Variants in PPP6R3 observed in about 807,000 individuals in gnomAD.
The protein encoded by PPP6R3 is protein phosphatase 6 regulatory subunit 3, also known as serine/threonine-protein phosphatase 6 regulatory subunit 3.
Under a neutral mutation model 110.7 loss-of-function variants are expected in PPP6R3, and 38 were observed. That is an observed-to-expected ratio of 0.34 (90% CI 0.26 to 0.45). The LOEUF (loss-of-function observed/expected upper bound fraction) is 0.45. PPP6R3 is among the 20% of genes least tolerant of loss of function. The probability of loss-of-function intolerance (pLI) is 1.00; values close to 1 mark genes in which losing one functional copy is unlikely to be tolerated. For synonymous variants in PPP6R3, 369 were observed against 373.5 expected (o/e 0.99, Z 0.14); for missense variants, 870 against 1,062.4 (o/e 0.82, Z 2.52).
intron 23 of PPP6R3, among the ~76,000 whole-genome samples, chr11:68,612,487 C>G (rs1164940727): frequency 6.6e-6 from 1 of 151,940 alleles, no homozygotes; most frequent in East Asian, 1.9e-4. Flanking sequence ...AACCTGGACA[C>G]TTTGTTATAT....
intron 8 of PPP6R3, among the ~76,000 whole-genome samples, chr11:68,563,873 A>G (rs1451441145): frequency 6.6e-6 from 1 of 152,198 alleles, no homozygotes; most frequent in African/African-American, 2.4e-5. Context: ...TAAATAGGAA[A>G]TAATGTTGAT....
chr11:68,492,214 T>G (rs1398416129), intron 1 of PPP6R3, among the ~76,000 whole-genome samples: 1 of 152,212 alleles, frequency 6.6e-6, no homozygotes, highest in African/African-American at 2.4e-5. Context: ...TGGACTACAG[T>G]GGCATGATCA....
chr11:68,562,391 G>T (rs895729800), intron 8 of PPP6R3, among the ~76,000 whole-genome samples: 6 of 152,206 alleles, frequency 3.9e-5, no homozygotes, highest in South Asian at 2.1e-4. Flanking sequence ...CAGATTCAAT[G>T]CAATTCCGAA....
intron 12 of PPP6R3, among the ~76,000 whole-genome samples, chr11:68,573,145 TA>T (rs1565935173): frequency 0.015 from 1,757 of 114,672 alleles, 60 homozygotes; most frequent in Non-Finnish European, 0.024. Flanking sequence ...TATATATATA[TA>T]TATATATAAT....
In PPP6R3 at chr11:68,560,588, C is replaced by G. The variant is rs1202842938; in HGVS notation, c.845+1909C>G. ...TGAAAACCTTTAACAAAGAAAACTC[C>G]TGGCCTAGATAGGCTCAATTGGTGA... On this transcript the variant is annotated intron_variant, in intron 8 of 23. Transcript: ENST00000393800. Among the ~76,000 whole-genome samples the G allele has an allele frequency of 3.3e-5, 5 of 152,306 alleles. No homozygotes were observed. The East Asian group carries it at 9.6e-4, about 29-fold the overall frequency.
chr11:68,463,665 A>AC (rs2098724426), intron 1 of PPP6R3, among the ~76,000 whole-genome samples: 1 of 152,166 alleles, frequency 6.6e-6, no homozygotes, highest in Admixed American at 6.5e-5. Context: ...TATGGTCTGC[A>AC]CCCCAGTATT....
intron 1 of PPP6R3, among the ~76,000 whole-genome samples, chr11:68,489,941 G>A (rs1210770791): frequency 2.0e-5 from 3 of 151,946 alleles, no homozygotes; most frequent in East Asian, 1.9e-4. Context: ...TTATAAGCAC[G>A]CATAAATACA....
intron 1 of PPP6R3, among the ~76,000 whole-genome samples, chr11:68,501,769 G>A (rs1386094769): frequency 1.3e-5 from 2 of 152,220 alleles, no homozygotes; most frequent in Non-Finnish European, 2.9e-5. Flanking sequence ...GTGAATGTAT[G>A]TAAATGATAC....
intron 1 of PPP6R3, among the ~76,000 whole-genome samples, chr11:68,496,629 C>T (rs2099017807): frequency 6.6e-6 from 1 of 151,990 alleles, no homozygotes; most frequent in Non-Finnish European, 1.5e-5. Context: ...TGTGCCACCG[C>T]ATCTGGCTAA....
Position 68,609,900 on chromosome 11 carries a change from G to T in PPP6R3, c.2451-4G>T. On this transcript the variant is annotated splice_region_variant and splice_polypyrimidine_tract_variant and intron_variant, in intron 22 of 23. Transcript: ENST00000393800. ...TGATGTGCCTGTCATCCTCTTTACT[G>T]CAGTGAGGAAGGGAAACTGTCTACC... 6.2e-7 allele frequency: 1 copy of T among 1,613,978 alleles called. No homozygotes were observed. The highest frequency in any genetic ancestry group is 8.5e-7 in the Non-Finnish European group (1 of 1,179,926).
At chr11:68,547,887 T>C (rs998759127) in intron 4 of PPP6R3, among the ~76,000 whole-genome samples, 180 bp from the exon 5 acceptor site, 14 of 152,320 alleles carry the variant, frequency 9.2e-5, no homozygotes, top group African/African-American at 3.4e-4. Context: ...AAGGGGTATT[T>C]TGAGTATTGT....
chr11:68,578,769 A>T (rs1262371413), intron 14 of PPP6R3, among the ~76,000 whole-genome samples: 2 of 152,184 alleles, frequency 1.3e-5, no homozygotes, highest in Non-Finnish European at 2.9e-5. Flanking sequence ...GAAGTGCTTT[A>T]ATCTTTTGGC....
At chr11:68,507,451 C>T (rs2099084907) in intron 1 of PPP6R3, among the ~76,000 whole-genome samples, 1 of 151,838 alleles carries the variant, frequency 6.6e-6, no homozygotes, top group African/African-American at 2.4e-5. Flanking sequence ...TGGTTGTTGC[C>T]TGATTATGGG....
rs1269730407 is a variant in PPP6R3 at position 68,548,217 on chromosome 11, C to T, written c.552+13C>T. 2 of 1,613,470 alleles carry T rather than the reference C, an allele frequency of 1.2e-6. No homozygotes were observed. Among genetic ancestry groups the T allele is most frequent in the Non-Finnish European group, 1.7e-6 (2 of 1,179,698 alleles). On this transcript the variant is annotated intron_variant, in intron 5 of 23. Transcript: ENST00000393800. ...AGATGTGCTGAATGTGAGTAGAATTCTGACCTGCTGTTGACTGGGGTTAGG... is the reference window on the plus strand; with the variant it reads ...AGATGTGCTGAATGTGAGTAGAATTTTGACCTGCTGTTGACTGGGGTTAGG...
At chr11:68,478,879 A>G (rs1250697158) in intron 1 of PPP6R3, among the ~76,000 whole-genome samples, 3 of 151,848 alleles carry the variant, frequency 2.0e-5, no homozygotes, top group Non-Finnish European at 4.4e-5. Context: ...GATGGTCTCC[A>G]TCTCCTGACA....
chr11:68,559,734 C>T lies in PPP6R3; in HGVS notation c.845+1055C>T, dbSNP rs190660935. 1.7e-3 allele frequency among the ~76,000 whole-genome samples: 252 copies of T among 152,208 alleles called. 2 individuals are homozygous for T. The highest frequency in any genetic ancestry group is 5.9e-3 in the African/African-American group (244 of 41,514). ...CTGTCTCTTTCTAGGAAAATCAGTA[C>T]CATCTTCCTACCCCAGGGATACAGT... On this transcript the variant is annotated intron_variant, in intron 8 of 23. Coordinates refer to ENST00000393800, the MANE Select transcript of PPP6R3 (RefSeq NM_001164161.2).
At chr11:68,523,617 A>G (rs1053831946) in intron 2 of PPP6R3, among the ~76,000 whole-genome samples, 2 of 150,456 alleles carry the variant, frequency 1.3e-5, no homozygotes, top group South Asian at 2.1e-4. Flanking sequence ...CGCACCACTC[A>G]TTGTGATGGC....
In PPP6R3 at chr11:68,614,505, A is replaced by AAAAT; in HGVS notation, c.*1389_*1392dup. 1.4e-6 allele frequency: 2 copies of AAAAT among 1,417,820 alleles called. No individual in the cohort carries two copies. Among genetic ancestry groups the AAAAT allele is most frequent in the Non-Finnish European group, 1.8e-6 (2 of 1,088,640 alleles). 87.8% of individuals were successfully genotyped at this position (1,417,820 alleles called of 1,614,324 possible). A position where few individuals can be genotyped will look rare whatever the true frequency, so the allele number is the denominator to read the frequency against. ...ATTTAAAACCAAAAGGATATTCTGA[A>AAAAT]AAATGGCCAACAATTTTTTTAGAAG... On this transcript the variant is annotated 3_prime_UTR_variant, in exon 24 of 24. Coordinates refer to ENST00000393800, the MANE Select transcript of PPP6R3 (RefSeq NM_001164161.2).
Position 68,603,214 on chromosome 11 carries a change from G to A in PPP6R3, c.2300-128G>A, listed in dbSNP as rs1248623031. On this transcript the variant is annotated intron_variant, in intron 21 of 23. Coordinates refer to ENST00000393800, the MANE Select transcript of PPP6R3 (RefSeq NM_001164161.2). ...AATGTGGCCCAGACAACAGCAGGCA[G>A]AAGCCATCTCACTCTTTTTTTTCTT... 6 of 1,233,518 alleles carry A rather than the reference G, an allele frequency of 4.9e-6. No individual in the cohort carries two copies. In the Admixed American group the frequency reaches 1.3e-4, roughly 28 times the overall value. 76.4% of individuals were successfully genotyped at this position (1,233,518 alleles called of 1,614,324 possible).
Sources: allele counts gnomAD v4.1 joint callset (sites outside exome capture counted in the v4.1 genomes callset), GRCh38; gene constraint gnomAD v4.1.1; transcripts MANE v1.5; gene names NCBI Gene and HGNC (gene_info 2026-07-23, HGNC 2026-07-21).